UST: variants seen among roughly 807,000 people sequenced by gnomAD.
UST encodes uronyl 2-sulfotransferase.
UST carries 21 observed loss-of-function variants against 45.6 expected under a neutral mutation model. The ratio of observed to expected loss-of-function variants is 0.46; its 90% CI spans 0.33 to 0.66. The LOEUF (loss-of-function observed/expected upper bound fraction) is 0.66. Among genes scored for constraint, UST ranks in the 30% least tolerant of loss-of-function variants. The pLI is 0.02. For synonymous variants in UST, 215 were observed against 200.6 expected, an observed-to-expected ratio of 1.07 and a Z score of -0.61; for missense variants, 463 against 512.4, an observed-to-expected ratio of 0.90 and a Z score of 0.93.
chr6:148,918,440 T>C (rs886160800), intron 2 of UST, among the ~76,000 whole-genome samples: 4 of 152,268 alleles, frequency 2.6e-5, no homozygotes, highest in African/African-American at 9.6e-5. Flanking sequence ...TTCAGTGATC[T>C]TCAGCAGCTG....
At chr6:148,758,771 C>T (rs1457641373) in intron 1 of UST, among the ~76,000 whole-genome samples, 1 of 152,218 alleles carries the variant, frequency 6.6e-6, no homozygotes, top group Non-Finnish European at 1.5e-5. Context: ...GAGAGCCATA[C>T]CATCTGGCAT....
chr6:148,991,837 T>C (rs957786454), intron 5 of UST, among the ~76,000 whole-genome samples: 4 of 152,186 alleles, frequency 2.6e-5, no homozygotes, highest in African/African-American at 9.7e-5. Flanking sequence ...CCCTGAAAAG[T>C]GAATCCTTAG....
At chr6:148,835,137 C>T (rs1377207103) in intron 1 of UST, among the ~76,000 whole-genome samples, 1 of 151,506 alleles carries the variant, frequency 6.6e-6, no homozygotes, top group Non-Finnish European at 1.5e-5. Context: ...CAGAAAAACA[C>T]AATAAAAAAT....
chr6:148,897,790 T>G (rs1201998249), intron 2 of UST, among the ~76,000 whole-genome samples: 1 of 152,148 alleles, frequency 6.6e-6, no homozygotes, highest in Non-Finnish European at 1.5e-5. Flanking sequence ...TGCAACTGGC[T>G]TCTTTGGATT....
At position 148,747,291 on chromosome 6, in the gene UST, T is replaced by G. The variant is rs1215892893; in HGVS notation, c.-140T>G. On this transcript the variant is annotated 5_prime_UTR_variant, in exon 1 of 8. Coordinates refer to ENST00000367463, the MANE Select transcript of UST (RefSeq NM_005715.3). Reference sequence around the variant, plus strand: ...AGAAAGTCTCCTGAGCCCGGCAACTTCGGCCCCTCCCCGCCCCCACCCGGC... The same window carrying G: ...AGAAAGTCTCCTGAGCCCGGCAACTGCGGCCCCTCCCCGCCCCCACCCGGC... 2.8e-6 allele frequency: 3 copies of G among 1,059,568 alleles called. No individual in the cohort carries two copies. The highest frequency in any genetic ancestry group is 8.5e-5 in the Admixed American group (2 of 23,622). 65.6% of individuals were successfully genotyped at this position (1,059,568 alleles called of 1,614,324 possible).
At chr6:148,799,322 C>A (rs547599053) in intron 1 of UST, among the ~76,000 whole-genome samples, 1 of 152,182 alleles carries the variant, frequency 6.6e-6, no homozygotes, top group African/African-American at 2.4e-5. Context: ...TATTTGCTTA[C>A]AAGTTGTTAT....
chr6:148,785,208 A>C (rs896859214), intron 1 of UST, among the ~76,000 whole-genome samples: 1 of 152,162 alleles, frequency 6.6e-6, no homozygotes, highest in East Asian at 1.9e-4. Flanking sequence ...CTTAAAAAAA[A>C]AAAAAAAAGC....
At chr6:148,812,381 C>T (rs766251289) in intron 1 of UST, among the ~76,000 whole-genome samples, 11 of 152,082 alleles carry the variant, frequency 7.2e-5, no homozygotes, top group African/African-American at 2.4e-4. Context: ...GATAGCACCA[C>T]GTATTGGTTA....
In UST at chr6:148,934,630, G is replaced by A. The variant is rs1472685154; in HGVS notation, c.292-6649G>A. Among the ~76,000 whole-genome samples, 2 of 152,096 alleles carry A rather than the reference G, an allele frequency of 1.3e-5. No homozygotes were observed. The highest frequency in any genetic ancestry group is 6.6e-5 in the Admixed American group (1 of 15,254). On this transcript the variant is annotated intron_variant, in intron 2 of 7. Coordinates refer to ENST00000367463, the MANE Select transcript of UST (RefSeq NM_005715.3). This position sits in a 1 kb window ranked among gnomAD's most constrained non-coding sequence, Gnocchi z 4.1. Reference sequence around the variant, plus strand: ...CGCCCCAACTCCTCTCCAGGATCACGCAGGCAACCTTCTCCCCAGCCTTAA... The same window carrying A: ...CGCCCCAACTCCTCTCCAGGATCACACAGGCAACCTTCTCCCCAGCCTTAA...
chr6:148,855,244 C>T (rs1326317643), intron 1 of UST, among the ~76,000 whole-genome samples: 1 of 152,214 alleles, frequency 6.6e-6, no homozygotes, highest in Non-Finnish European at 1.5e-5. Context: ...GTATCAGGGT[C>T]TTTCCTGGTT....
intron 1 of UST, among the ~76,000 whole-genome samples, chr6:148,768,400 A>G (rs1464563201): frequency 6.6e-6 from 1 of 152,184 alleles, no homozygotes; most frequent in African/African-American, 2.4e-5. Context: ...CATACATGCA[A>G]GTAATAATTT....
rs1176025957 is a variant in UST at position 148,877,624 on chromosome 6, A to AGGGGTCGTGTATGAGTGT, written c.248-9344_248-9327dup. Among the ~76,000 whole-genome samples the AGGGGTCGTGTATGAGTGT allele has an allele frequency of 7.6e-3, 206 of 27,112 alleles. 12 individuals carry two copies. Among genetic ancestry groups the AGGGGTCGTGTATGAGTGT allele is most frequent in the Middle Eastern group, 0.043 (2 of 46 alleles). 17.8% of individuals were successfully genotyped at this position (27,112 alleles called of 152,430 possible). ...TATGAGTGGGTCGTGTATGAGTGTG[A>AGGGGTCGTGTATGAGTGT]GGGGTCGTGTATGAGTGTGGGGTCG... On this transcript the variant is annotated intron_variant, in intron 1 of 7. Coordinates refer to ENST00000367463, the MANE Select transcript of UST (RefSeq NM_005715.3).
chr6:148,937,626 T>G (rs2114918561), intron 2 of UST, among the ~76,000 whole-genome samples: 1 of 152,344 alleles, frequency 6.6e-6, no homozygotes, highest in South Asian at 2.1e-4. Flanking sequence ...GTTTTCTAGG[T>G]AAGTGCCTCA....
At chr6:148,857,762 CAAA>C (rs35774834) in intron 1 of UST, among the ~76,000 whole-genome samples, 6 of 120,462 alleles carry the variant, frequency 5.0e-5, no homozygotes, top group Admixed American at 8.4e-5. Context: ...GTCTCCATCT[CAAA>C]AAAAAAAAAA....
At chr6:149,027,680 C>T (rs376350364) in intron 7 of UST, 1 of 152,086 alleles carries the variant, frequency 6.6e-6, no homozygotes, top group East Asian at 1.9e-4. Context: ...TGTGTTCTTC[C>T]CTGGAGCTGC....
intron 7 of UST, among the ~76,000 whole-genome samples, chr6:149,060,445 G>A (rs559249260): frequency 2.6e-5 from 4 of 152,292 alleles, no homozygotes; most frequent in East Asian, 1.9e-4. Context: ...ATTCATTTCC[G>A]CTGGAGGCAG....
chr6:148,830,856 A>G (rs188949020), intron 1 of UST, among the ~76,000 whole-genome samples: 154 of 152,254 alleles, frequency 1.0e-3, no homozygotes, highest in South Asian at 6.0e-3. Flanking sequence ...GTTTGGGCTA[A>G]TGAGAAAGTT....
intron 2 of UST, among the ~76,000 whole-genome samples, chr6:148,935,499 G>C (rs1780007421): frequency 6.6e-6 from 1 of 152,144 alleles, no homozygotes; most frequent in Admixed American, 6.6e-5. Context: ...CCTGACAATT[G>C]CAAGTATCTG....
chr6:148,922,169 G>A (rs1779720603), intron 2 of UST, among the ~76,000 whole-genome samples: 2 of 152,030 alleles, frequency 1.3e-5, no homozygotes, highest in African/African-American at 4.8e-5. Flanking sequence ...ACAAAATTTT[G>A]CCACCATTAC....
Sources: gnomAD v4.1 joint callset for allele counts (sites outside exome capture counted in the v4.1 genomes callset) on GRCh38, gnomAD v4.1.1 for gene constraint, Gnocchi (gnomAD v3.1) non-coding constraint, MANE v1.5 for transcripts, NCBI Gene and HGNC (gene_info 2026-07-23, HGNC 2026-07-21) for gene names.